Variants in GRXCR2 observed in about 807,000 individuals in gnomAD.
The protein encoded by GRXCR2 is glutaredoxin and cysteine rich domain containing 2, also known as glutaredoxin domain-containing cysteine-rich protein 2.
Under a neutral mutation model 24.8 loss-of-function variants are expected in GRXCR2, and 23 were observed. The observed-to-expected ratio is 0.93, with a 90% confidence interval of 0.67 to 1.32. The LOEUF (loss-of-function observed/expected upper bound fraction) is 1.32, where lower values mean the gene tolerates loss of function less well. Among genes scored for constraint, GRXCR2 ranks in the 40% most tolerant of loss-of-function variants. The probability of loss-of-function intolerance (pLI) is 0.00; values close to 1 mark genes in which losing one functional copy is unlikely to be tolerated. For synonymous variants in GRXCR2, 130 were observed against 116.1 expected (o/e 1.12, Z -0.77); for missense variants, 315 against 303.4 (o/e 1.04, Z -0.28).
intron 2 of GRXCR2, among the ~76,000 whole-genome samples, chr5:145,923,339 C>G (rs550899775): frequency 8.0e-4 from 121 of 152,014 alleles, no homozygotes; most frequent in Non-Finnish European, 7.4e-4. Flanking sequence ...AAGCAATGAG[C>G]CTGCAAGAAA....
At chr5:145,879,370 C>CAA (rs144743619) in intron 2 of GRXCR2, among the ~76,000 whole-genome samples, 30,512 of 99,026 alleles carry the variant, frequency 0.31, 3,884 homozygotes, top group Non-Finnish European at 0.38. Flanking sequence ...AAATGCACAG[C>CAA]AAAAAAAAAA....
At chr5:145,922,477 A>G (rs1294712455) in intron 2 of GRXCR2, among the ~76,000 whole-genome samples, 1 of 152,036 alleles carries the variant, frequency 6.6e-6, no homozygotes, top group Non-Finnish European at 1.5e-5. Context: ...CTTCTGTGTC[A>G]CCTCCTAAGC....
chr5:145,926,705 A>G (rs1482165205), intron 2 of GRXCR2, among the ~76,000 whole-genome samples: 1 of 152,196 alleles, frequency 6.6e-6, no homozygotes, highest in African/African-American at 2.4e-5. Flanking sequence ...TGACTTGGCA[A>G]TGCAGGCTCT....
At chr5:145,885,403 C>A (rs58094915) in intron 2 of GRXCR2, among the ~76,000 whole-genome samples, 2 of 152,050 alleles carry the variant, frequency 1.3e-5, no homozygotes, top group African/African-American at 4.8e-5. Flanking sequence ...CCAGAGTGGG[C>A]GTTTCATTGT....
chr5:145,880,470 C>G (rs1481609453), intron 2 of GRXCR2, among the ~76,000 whole-genome samples: 3 of 152,148 alleles, frequency 2.0e-5, no homozygotes, highest in African/African-American at 7.2e-5. Context: ...TTCCTGGACA[C>G]ATTCACCCTC....
intron 2 of GRXCR2, among the ~76,000 whole-genome samples, chr5:145,929,677 A>G (rs1757453991): frequency 6.6e-6 from 1 of 152,230 alleles, no homozygotes; most frequent in African/African-American, 2.4e-5. Flanking sequence ...GGAAAGATGC[A>G]TTCTTACTTT....
At chr5:145,929,409 CTTTT>C (rs1024411467) in intron 2 of GRXCR2, among the ~76,000 whole-genome samples, 62 of 151,586 alleles carry the variant, frequency 4.1e-4, no homozygotes, top group East Asian at 7.8e-4. Flanking sequence ...TAGACTTAAA[CTTTT>C]TTTTACTTTT....
At chr5:145,891,948 G>A (rs549778388) in intron 2 of GRXCR2, among the ~76,000 whole-genome samples, 16 of 152,216 alleles carry the variant, frequency 1.1e-4, no homozygotes, top group Non-Finnish European at 1.5e-4. Flanking sequence ...CCAGAGGAAC[G>A]ATCAGGCAGC....
At chr5:145,925,815 A>C (rs913513032) in intron 2 of GRXCR2, among the ~76,000 whole-genome samples, 1 of 152,174 alleles carries the variant, frequency 6.6e-6, no homozygotes, top group African/African-American at 2.4e-5. Flanking sequence ...GTTATAGAAA[A>C]TCATTCTAAT....
intron 2 of GRXCR2, among the ~76,000 whole-genome samples, chr5:145,902,658 G>A (rs1757040063): frequency 6.6e-6 from 1 of 152,140 alleles, no homozygotes; most frequent in Non-Finnish European, 1.5e-5. Flanking sequence ...ATGAAGAAGA[G>A]GTTGTCTTTT....
chr5:145,884,375 C>A (rs562207331), intron 2 of GRXCR2, among the ~76,000 whole-genome samples: 2 of 151,854 alleles, frequency 1.3e-5, no homozygotes, highest in Non-Finnish European at 2.9e-5. Flanking sequence ...AGTATATCAA[C>A]CTAGATTTCT....
intron 2 of GRXCR2, among the ~76,000 whole-genome samples, chr5:145,908,340 C>G (rs1364708778): frequency 2.7e-5 from 4 of 148,896 alleles, no homozygotes; most frequent in Non-Finnish European, 5.9e-5. Context: ...ACCTATGAAG[C>G]CTCAAGAAAA....
At chr5:145,928,874 T>A (rs969621194) in intron 2 of GRXCR2, among the ~76,000 whole-genome samples, 2 of 151,470 alleles carry the variant, frequency 1.3e-5, no homozygotes, top group Non-Finnish European at 2.9e-5. Flanking sequence ...GCACATGTTG[T>A]GCACATGTAC....
chr5:145,871,819 C>A (rs1273770067), intron 1 of GRXCR2, among the ~76,000 whole-genome samples: 1 of 152,190 alleles, frequency 6.6e-6, no homozygotes, highest in Non-Finnish European at 1.5e-5. Context: ...GTGTGCTATT[C>A]ATTAATAACG....
At chr5:145,865,096 A>G (rs1340089743) in intron 2 of GRXCR2, among the ~76,000 whole-genome samples, 1 of 152,180 alleles carries the variant, frequency 6.6e-6, no homozygotes, top group African/African-American at 2.4e-5. Flanking sequence ...CTCAAAGCCC[A>G]GTCATGACCT....
intron 2 of GRXCR2, among the ~76,000 whole-genome samples, chr5:145,880,213 T>G (rs942984212): frequency 6.6e-6 from 1 of 151,730 alleles, no homozygotes; most frequent in Admixed American, 6.6e-5. Context: ...CTGAGAGAGA[T>G]AGAGACACAA....
chr5:145,919,515 C>T (rs370264846), intron 2 of GRXCR2, among the ~76,000 whole-genome samples: 143 of 152,310 alleles, frequency 9.4e-4, no homozygotes, highest in African/African-American at 3.3e-3. Context: ...GTCCCACTCC[C>T]TGAGTTGCAA....
At chr5:145,900,742 A>C (rs1387667102) in intron 2 of GRXCR2, among the ~76,000 whole-genome samples, 1 of 152,242 alleles carries the variant, frequency 6.6e-6, no homozygotes, top group African/African-American at 2.4e-5. Flanking sequence ...GATTTCTCAA[A>C]GAACTTAAAT....
At position 145,873,005 on chromosome 5, in the gene GRXCR2, T is replaced by C; in HGVS notation, c.-37A>G. ...TGACCCTGTGGTCTCCAGCCTTCCG[T>C]GCAGCCGGTGAAACTTGGGCCTCTG... On this transcript the variant is annotated 5_prime_UTR_variant, in exon 1 of 3. Coordinates refer to ENST00000377976, the MANE Select transcript of GRXCR2 (RefSeq NM_001080516.2). 6.4e-7 allele frequency: 1 copy of C among 1,567,830 alleles called. No homozygotes were observed. Among genetic ancestry groups the C allele is most frequent in the African/African-American group, 1.4e-5 (1 of 73,700 alleles).
Sources: gnomAD v4.1 joint callset for allele counts (sites outside exome capture counted in the v4.1 genomes callset) on GRCh38, gnomAD v4.1.1 for gene constraint, MANE v1.5 for transcripts, NCBI Gene and HGNC (gene_info 2026-07-23, HGNC 2026-07-21) for gene names.